The following ZNF716 variants were observed in gnomAD, a reference collection of about 807,000 sequenced individuals.
ZNF716 encodes zinc finger protein 716.
ZNF716 carries 9 observed loss-of-function variants against 13.4 expected under a neutral mutation model. That is an observed-to-expected ratio of 0.67 (90% CI 0.41 to 1.18). The LOEUF is 1.18. Ranked by LOEUF, ZNF716 falls within the 50% of genes most tolerant of loss-of-function variation. The pLI is 0.01. For synonymous variants in ZNF716, 186 were observed against 195.2 expected (o/e 0.95, Z 0.39); for missense variants, 581 against 576.6 (o/e 1.01, Z -0.08).
Position 57,450,313 on chromosome 7 carries a change from G to C in ZNF716, c.25G>C (p.Gly9Arg). 6.2e-7 allele frequency: 1 copy of C among 1,613,998 alleles called. No individual in the cohort carries two copies. The highest frequency in any genetic ancestry group is 8.5e-7 in the Non-Finnish European group (1 of 1,179,972). ...TATGGCTAAAAGACCGGGACCCCCT[G>C]GAAGCCGAGAAATGGTGAGTGCTGG... Reference protein sequence around the residue: MAKRPGPPGSREMGLLTFR... With the variant: MAKRPGPPRSREMGLLTFR... Residue 9 changes from glycine to arginine, a missense_variant, in exon 1 of 4, where the codon GGA (glycine) becomes CGA (arginine). Coordinates refer to ENST00000420713, the MANE Select transcript of ZNF716 (RefSeq NM_001159279.1).
chr7:57,468,754 A>G lies in ZNF716; in HGVS notation c.293A>G (p.Gln98Arg). Reference protein sequence around the residue: ...VTCSHFTQDLQSEQGIKDSLQ... With the variant: ...VTCSHFTQDLRSEQGIKDSLQ... ...TGTTCTCATTTCACCCAAGACCTTC[A>G]GTCAGAGCAGGGCATAAAAGATTCA... Residue 98 changes from glutamine (Q) to arginine (R), a missense_variant, in exon 4 of 4, where the codon CAG becomes CGG. By Grantham distance (43) the Gln-to-Arg change is conservative. Coordinates refer to ENST00000420713, the MANE Select transcript of ZNF716 (RefSeq NM_001159279.1). 6.2e-7 allele frequency: 1 copy of G among 1,611,872 alleles called. No individual in the cohort carries two copies. The highest frequency in any genetic ancestry group is 8.5e-7 in the Non-Finnish European group (1 of 1,179,346).
chr7:57,457,575 C>A (rs1373650485), intron 1 of ZNF716, among the ~76,000 whole-genome samples: 1 of 152,100 alleles, frequency 6.6e-6, no homozygotes, highest in Non-Finnish European at 1.5e-5. Context: ...AACTCCTGGC[C>A]TCAGGTGATC....
At chr7:57,450,650 C>T (rs916812881) in intron 1 of ZNF716, among the ~76,000 whole-genome samples, 7 of 152,254 alleles carry the variant, frequency 4.6e-5, no homozygotes, top group Non-Finnish European at 1.0e-4. Flanking sequence ...AGAATCCAGA[C>T]TTAGGGTGCA....
chr7:57,462,607 C>T (rs1185325604), intron 2 of ZNF716, 21 bp downstream of exon 2: 4 of 1,583,718 alleles, frequency 2.5e-6, no homozygotes, highest in African/African-American at 1.4e-5. Flanking sequence ...CTTCAATACA[C>T]AATTCCTAAT....
chr7:57,457,196 T>A (rs1789608105), intron 1 of ZNF716, among the ~76,000 whole-genome samples: 1 of 152,144 alleles, frequency 6.6e-6, no homozygotes, highest in Non-Finnish European at 1.5e-5. Flanking sequence ...CCTCCACCAA[T>A]GTAGGGGTCT....
At chr7:57,455,154 A>G (rs1789563198) in intron 1 of ZNF716, among the ~76,000 whole-genome samples, 1 of 152,176 alleles carries the variant, frequency 6.6e-6, no homozygotes, top group Non-Finnish European at 1.5e-5. Flanking sequence ...TAGAAAGAGG[A>G]TGAAGTAAGA....
chr7:57,462,291 T>C, intron 1 of ZNF716, 169 bp from the exon 2 acceptor site: 1 of 718,402 alleles, frequency 1.4e-6, no homozygotes, highest in East Asian at 2.7e-5. Context: ...AATACTTCCA[T>C]GTTAAACATT....
rs5884478 is a variant in ZNF716, at chr7:57,471,414, T to TAAAAAAAAA, written c.*1472_*1480dup. 7.3e-6 allele frequency: 1 copy of TAAAAAAAAA among 136,266 alleles called. No individual in the cohort carries two copies. Among genetic ancestry groups the TAAAAAAAAA allele is most frequent in the African/African-American group, 2.7e-5 (1 of 36,456 alleles). 8.4% of individuals were successfully genotyped at this position (136,266 alleles called of 1,614,324 possible). On this transcript the variant is annotated 3_prime_UTR_variant, in exon 4 of 4. Transcript: ENST00000420713. ...TGGGTGACAGAGCAAGAATCCATCT[T>TAAAAAAAAA]AAAAAAAAAAAAAAAGCGTAAATGT... is the stretch of plus-strand genomic sequence containing the variant.
In ZNF716 at chr7:57,463,064, A is replaced by G. The variant is rs782222742; in HGVS notation, c.167-9A>G. ...GATTTATGTTACTTTTTTTTCCTTAATAAAACAGGTATTGCTGTCTCTAAG... is the reference window on the plus strand; with the variant it reads ...GATTTATGTTACTTTTTTTTCCTTAGTAAAACAGGTATTGCTGTCTCTAAG... On this transcript the variant is annotated splice_polypyrimidine_tract_variant and intron_variant, in intron 2 of 3. Coordinates refer to ENST00000420713, the MANE Select transcript of ZNF716 (RefSeq NM_001159279.1). The G allele has an allele frequency of 1.6e-4, 259 of 1,606,126 alleles. 3 individuals carry two copies. The highest frequency in any genetic ancestry group is 1.8e-4 in the Non-Finnish European group (216 of 1,179,082).
rs190772907 is a variant in ZNF716, at chr7:57,468,366, G to C, written c.263-358G>C. 2.3e-3 allele frequency among the ~76,000 whole-genome samples: 343 copies of C among 152,260 alleles called. 1 individual carries two copies. Among genetic ancestry groups the C allele is most frequent in the African/African-American group, 7.8e-3 (324 of 41,550 alleles). On this transcript the variant is annotated intron_variant, in intron 3 of 3. Transcript: ENST00000420713. ...ATAAGCCAAAAGTAAAGATATAGGT[G>C]CCAATATTTTTCTTTTGAGATAAAA...
Position 57,450,306 on chromosome 7 carries a change from AC to A in ZNF716, c.23del (p.Pro8LeufsTer9), listed in dbSNP as rs1789463004. On this transcript the variant is annotated frameshift_variant, in exon 1 of 4. Transcript: ENST00000420713. LOFTEE classifies it high-confidence loss of function. MAKRPG[P>X]PGSREMGLLT... Reference sequence around the variant, plus strand: ...GCAGATTTATGGCTAAAAGACCGGGACCCCCTGGAAGCCGAGAAATGGTGAG... The same window carrying A: ...GCAGATTTATGGCTAAAAGACCGGGACCCCTGGAAGCCGAGAAATGGTGAG... 1 of 1,613,412 alleles carries A rather than the reference AC, an allele frequency of 6.2e-7. No individual in the cohort carries two copies. The highest frequency in any genetic ancestry group is 8.5e-7 in the Non-Finnish European group (1 of 1,179,876).
rs1401652454 is a variant in ZNF716 at position 57,469,457 on chromosome 7, C to G, written c.996C>G (p.Ala332=). The change falls in exon 4 of 4, where the codon GCC becomes GCG. Residue 332 remains alanine (A), a synonymous_variant. Coordinates refer to ENST00000420713, the MANE Select transcript of ZNF716 (RefSeq NM_001159279.1). ...RPYKCEECGK[A]FSLSSTLKKH... ...ACAAATGTGAAGAATGTGGCAAAGC[C>G]TTTAGCTTATCCTCAACCCTTAAGA... The G allele has an allele frequency of 1.2e-6, 2 of 1,613,696 alleles. No individual in the cohort carries two copies. Among genetic ancestry groups the G allele is most frequent in the Admixed American group, 3.3e-5 (2 of 59,898 alleles).
At chr7:57,454,747 G>A (rs1361661793) in intron 1 of ZNF716, among the ~76,000 whole-genome samples, 3 of 152,118 alleles carry the variant, frequency 2.0e-5, no homozygotes, top group South Asian at 2.1e-4. Flanking sequence ...AATCCCGGCC[G>A]GGAGTGGTGG....
At chr7:57,454,900 C>T (rs557251817) in intron 1 of ZNF716, among the ~76,000 whole-genome samples, 1 of 152,040 alleles carries the variant, frequency 6.6e-6, no homozygotes, top group South Asian at 2.1e-4. Context: ...GTGGCAGGCA[C>T]CTATAGTCCC....
In ZNF716 at chr7:57,473,061, T is replaced by C. The variant is rs1248827622; in HGVS notation, c.*3112T>C. 1 of 152,206 alleles carries C rather than the reference T, an allele frequency of 6.6e-6. No individual in the cohort carries two copies. Among genetic ancestry groups the C allele is most frequent in the Non-Finnish European group, 1.5e-5 (1 of 68,036 alleles). The allele number at this position is 152,206 out of a possible 1,614,324, so 9.4% of individuals were successfully genotyped here. A position where few individuals can be genotyped will look rare whatever the true frequency, so the allele number is the denominator to read the frequency against. On this transcript the variant is annotated 3_prime_UTR_variant, in exon 4 of 4. Transcript: ENST00000420713. The stretch of plus-strand genomic sequence containing the variant: ...AATTACTATTAACCACAGGGTCATT[T>C]TATGATCATAAAAATTACATGAGTA...
At position 57,470,175 on chromosome 7, in the gene ZNF716, A is replaced by T. The variant is rs10272881; in HGVS notation, c.*226A>T. On this transcript the variant is annotated 3_prime_UTR_variant, in exon 4 of 4. Transcript: ENST00000420713. ...AACCCAAGAGAATTTATTTAAAAAA[A>T]TTTTTTTGAGACAGAGTCTCACTTT... 131,877 of 365,386 alleles carry T rather than the reference A, an allele frequency of 0.36. 25,373 individuals are homozygous for T. The highest frequency in any genetic ancestry group is 0.46 in the East Asian group (8,082 of 17,652). 22.6% of individuals were successfully genotyped at this position (365,386 alleles called of 1,614,324 possible).
In ZNF716 at chr7:57,463,268, G is replaced by A. The variant is rs560641607; in HGVS notation, c.262+100G>A. The A allele has an allele frequency of 1.2e-5, 18 of 1,501,732 alleles. No homozygotes were observed. The South Asian group carries it at 2.0e-4, about 16-fold the overall frequency. 93.0% of individuals were successfully genotyped at this position (1,501,732 alleles called of 1,614,324 possible). A position where few individuals can be genotyped will look rare whatever the true frequency, so the allele number is the denominator to read the frequency against. On this transcript the variant is annotated intron_variant, in intron 3 of 3. Transcript: ENST00000420713. ...GTGGTCTGGGGAGCTGTACTTCGATGGAAGAGTTTCTGAGAAGCCAGAGTC... is the reference window on the plus strand; with the variant it reads ...GTGGTCTGGGGAGCTGTACTTCGATAGAAGAGTTTCTGAGAAGCCAGAGTC...
Position 57,450,211 on chromosome 7 carries a change from T to C in ZNF716, c.-78T>C. On this transcript the variant is annotated 5_prime_UTR_variant, in exon 1 of 4. Coordinates refer to ENST00000420713, the MANE Select transcript of ZNF716 (RefSeq NM_001159279.1). Reference sequence around the variant, plus strand: ...TCTCTGCGCCCAGAGCTCCAGTCCTTCTCTTCACTGCTCTGCGTCCTCTGC... The same window carrying C: ...TCTCTGCGCCCAGAGCTCCAGTCCTCCTCTTCACTGCTCTGCGTCCTCTGC... 6.2e-7 allele frequency: 1 copy of C among 1,604,110 alleles called. No homozygotes were observed.
rs1200567909 is a variant in ZNF716 at position 57,469,643 on chromosome 7, C to T, written c.1182C>T (p.Thr394=). The change falls in exon 4 of 4, where the codon ACC becomes ACT. Residue 394 remains threonine, a synonymous_variant. Transcript: ENST00000420713. Reference sequence around the variant, plus strand: ...GCAAAGCCTTTAGCTTACCCTCAACCTTCACTTACCACAAGAGAACTCATA... The same window carrying T: ...GCAAAGCCTTTAGCTTACCCTCAACTTTCACTTACCACAAGAGAACTCATA... ...ECGKAFSLPS[T]FTYHKRTHTG... is the part of the protein sequence containing the mutation. 1.2e-6 allele frequency: 2 copies of T among 1,604,792 alleles called. No individual in the cohort carries two copies. The highest frequency in any genetic ancestry group is 1.4e-5 in the African/African-American group (1 of 72,200).
Sources: gnomAD v4.1 joint callset for allele counts (sites outside exome capture counted in the v4.1 genomes callset) on GRCh38, gnomAD v4.1.1 for gene constraint, MANE v1.5 for transcripts, NCBI Gene and HGNC (gene_info 2026-07-23, HGNC 2026-07-21) for gene names.